TRAPPC9: variants seen among roughly 807,000 people sequenced by gnomAD.
The protein encoded by TRAPPC9 is IKK2 binding protein.
In TRAPPC9, 83 loss-of-function variants were observed where a neutral mutation model predicts 124.0. That is an observed-to-expected ratio of 0.67 (90% CI 0.56 to 0.80). The LOEUF is 0.80. Ranked by LOEUF, TRAPPC9 falls within the 30% of genes least tolerant of loss-of-function variation. The probability of loss-of-function intolerance (pLI) is 0.00; values close to 1 mark genes in which losing one functional copy is unlikely to be tolerated. For synonymous variants in TRAPPC9, 638 were observed against 617.5 expected, an observed-to-expected ratio of 1.03 and a Z score of -0.49; for missense variants, 1,302 against 1,508.3, an observed-to-expected ratio of 0.86 and a Z score of 2.27.
At chr8:139,888,708 C>T (rs1424539398) in intron 20 of TRAPPC9, among the ~76,000 whole-genome samples, 1 of 152,240 alleles carries the variant, frequency 6.6e-6, no homozygotes, top group Non-Finnish European at 1.5e-5. Context: ...CATCTCATTA[C>T]ACACACAGCC....
At position 139,999,403 on chromosome 8, in the gene TRAPPC9, T is replaced by A. The variant is rs577657452; in HGVS notation, c.2700-10567A>T. On this transcript the variant is annotated intron_variant, in intron 18 of 22. Coordinates refer to ENST00000438773, the MANE Select transcript of TRAPPC9 (RefSeq NM_001160372.4). ...AAAATACACAATAATTATTAATGTG[T>A]ATGAACCTAACTATAGAGTTTCAAA... Among the ~76,000 whole-genome samples the A allele has an allele frequency of 1.1e-3, 165 of 152,284 alleles. 1 individual carries two copies. The highest frequency in any genetic ancestry group is 3.5e-3 in the African/African-American group (145 of 41,570).
intron 9 of TRAPPC9, among the ~76,000 whole-genome samples, chr8:140,326,561 C>T (rs1446769022): frequency 6.6e-6 from 1 of 152,110 alleles, no homozygotes. Context: ...CTCAGACAAA[C>T]ATCATCAATG....
chr8:140,070,907 C>T (rs544458567), intron 17 of TRAPPC9, among the ~76,000 whole-genome samples: 3 of 152,218 alleles, frequency 2.0e-5, no homozygotes, highest in East Asian at 1.9e-4. Flanking sequence ...AGGCCCTCCA[C>T]GTCTCTTACC....
chr8:140,443,220 A>G lies in TRAPPC9; in HGVS notation c.585-4023T>C, dbSNP rs562231513. Among the ~76,000 whole-genome samples, 152 of 149,506 alleles carry G rather than the reference A, an allele frequency of 1.0e-3. 1 individual carries two copies. Among genetic ancestry groups the G allele is most frequent in the African/African-American group, 2.6e-3 (106 of 40,582 alleles). ...GGAGGCCAAGGCGGGCAGATCACAA[A>G]GTCAGGAGATCGAGACCATCCTGGC... On this transcript the variant is annotated intron_variant, in intron 2 of 22. Coordinates refer to ENST00000438773, the MANE Select transcript of TRAPPC9 (RefSeq NM_001160372.4).
chr8:140,035,878 T>TG (rs546038099), intron 17 of TRAPPC9, among the ~76,000 whole-genome samples: 382 of 152,356 alleles, frequency 2.5e-3, no homozygotes, highest in Admixed American at 5.9e-3. Context: ...ACCTGGCGTC[T>TG]GGCCACAGCT....
chr8:140,279,670 C>T (rs1377390337), intron 14 of TRAPPC9, among the ~76,000 whole-genome samples: 1 of 152,052 alleles, frequency 6.6e-6, no homozygotes, highest in African/African-American at 2.4e-5. Context: ...TAGCAGGTAC[C>T]AGAGCATGCA....
intron 21 of TRAPPC9, among the ~76,000 whole-genome samples, chr8:139,848,611 C>A (rs1413134626): frequency 6.6e-6 from 1 of 151,990 alleles, no homozygotes; most frequent in East Asian, 1.9e-4. Context: ...TATAGACATA[C>A]AAATGTATAG....
In TRAPPC9 at chr8:139,742,545, G is replaced by A. The variant is rs1233856053; in HGVS notation, c.3056-10343C>T. 6.6e-6 allele frequency among the ~76,000 whole-genome samples: 1 copy of A among 152,218 alleles called. No homozygotes were observed. Among genetic ancestry groups the A allele is most frequent in the East Asian group, 1.9e-4 (1 of 5,202 alleles). On this transcript the variant is annotated intron_variant, in intron 21 of 22. Transcript: ENST00000438773. This position sits in a 1 kb window ranked among gnomAD's most constrained non-coding sequence, Gnocchi z 4.7. ...CAACATGCAATCAGGGACCAGGCAA[G>A]TCAGGGGCCACCAGAGAGGGTCAGG...
At chr8:139,781,923 G>T (rs1313873527) in intron 21 of TRAPPC9, among the ~76,000 whole-genome samples, 1 of 152,104 alleles carries the variant, frequency 6.6e-6, no homozygotes, top group Non-Finnish European at 1.5e-5. Context: ...ACAAACAGAA[G>T]ATGATATACT....
At chr8:140,194,823 A>G (rs879518183) in intron 17 of TRAPPC9, among the ~76,000 whole-genome samples, 1 of 152,128 alleles carries the variant, frequency 6.6e-6, no homozygotes, top group Non-Finnish European at 1.5e-5. Context: ...AACCTATCGT[A>G]CAGCTCACAC....
intron 19 of TRAPPC9, among the ~76,000 whole-genome samples, chr8:139,920,007 A>G (rs1587216674): frequency 6.6e-6 from 1 of 152,304 alleles, no homozygotes; most frequent in East Asian, 1.9e-4. Context: ...AATGTTCCTC[A>G]CTGAAAATTC....
chr8:139,917,476 G>A (rs939545167), intron 19 of TRAPPC9, among the ~76,000 whole-genome samples: 4 of 151,982 alleles, frequency 2.6e-5, no homozygotes, highest in Non-Finnish European at 4.4e-5. Context: ...CACCGCACCC[G>A]GCCATTATTA....
intron 19 of TRAPPC9, among the ~76,000 whole-genome samples, chr8:139,971,724 C>T (rs2319576): frequency 0.83 from 120,044 of 144,290 alleles, 49,083 homozygotes; most frequent in Middle Eastern, 0.9. Context: ...TATATATATA[C>T]ACACACACAC....
chr8:140,204,341 G>T (rs1225153674), intron 17 of TRAPPC9, among the ~76,000 whole-genome samples: 1 of 152,048 alleles, frequency 6.6e-6, no homozygotes, highest in East Asian at 1.9e-4. Context: ...GATGAAGCTG[G>T]AAACCATCAT....
intron 6 of TRAPPC9, among the ~76,000 whole-genome samples, chr8:140,404,822 ATG>A (rs777159051): frequency 1.0e-4 from 14 of 135,292 alleles, no homozygotes; most frequent in African/African-American, 3.1e-4. Context: ...GTGTATGTGC[ATG>A]TGTGTGAGCA....
intron 16 of TRAPPC9, among the ~76,000 whole-genome samples, chr8:140,223,749 A>C (rs987555408): frequency 7.9e-5 from 12 of 152,310 alleles, no homozygotes; most frequent in African/African-American, 2.9e-4. Context: ...ATTTAAAAAA[A>C]AAAAAACAAA....
chr8:140,073,727 C>T (rs530680244), intron 17 of TRAPPC9, among the ~76,000 whole-genome samples: 3 of 152,198 alleles, frequency 2.0e-5, no homozygotes, highest in South Asian at 4.2e-4. Flanking sequence ...TTCTCAACAC[C>T]GTCACTCAGT....
At chr8:139,744,758 C>T (rs548616202) in intron 21 of TRAPPC9, among the ~76,000 whole-genome samples, 1 of 152,338 alleles carries the variant, frequency 6.6e-6, no homozygotes, top group Admixed American at 6.5e-5. Context: ...GGTGCTGGCC[C>T]CGCATGTGTA....
At chr8:139,906,882 A>G (rs528914655) in intron 20 of TRAPPC9, among the ~76,000 whole-genome samples, 1 of 152,268 alleles carries the variant, frequency 6.6e-6, no homozygotes, top group South Asian at 2.1e-4. Flanking sequence ...AAAGACATCA[A>G]TGTGGCCATG....
Sources: gnomAD v4.1 joint callset for allele counts (sites outside exome capture counted in the v4.1 genomes callset) on GRCh38, gnomAD v4.1.1 for gene constraint, Gnocchi (gnomAD v3.1) non-coding constraint, MANE v1.5 for transcripts, NCBI Gene and HGNC (gene_info 2026-07-23, HGNC 2026-07-21) for gene names.